Variants in DGKB observed in about 807,000 individuals in gnomAD.
DGKB encodes 90 kDa diacylglycerol kinase.
In DGKB, 67 loss-of-function variants were observed where a neutral mutation model predicts 114.3. The ratio of observed to expected loss-of-function variants is 0.59; its 90% CI spans 0.48 to 0.72. The LOEUF (loss-of-function observed/expected upper bound fraction) is 0.72. Among genes scored for constraint, DGKB ranks in the 30% least tolerant of loss-of-function variants. The pLI is 0.00. For synonymous variants in DGKB, 398 were observed against 323.1 expected, an observed-to-expected ratio of 1.23 and a Z score of -2.49; for missense variants, 907 against 975.2, an observed-to-expected ratio of 0.93 and a Z score of 0.93.
At chr7:14,877,384 C>T (rs1017028526) in intron 1 of DGKB, among the ~76,000 whole-genome samples, 13 of 152,010 alleles carry the variant, frequency 8.6e-5, no homozygotes, top group African/African-American at 3.1e-4. Context: ...GGAGAAACCC[C>T]GTCTCTACTG....
chr7:14,858,676 A>T (rs949816352), intron 1 of DGKB, among the ~76,000 whole-genome samples: 25 of 152,140 alleles, frequency 1.6e-4, no homozygotes, highest in Non-Finnish European at 2.9e-5. Context: ...ATGGCAAGAG[A>T]TCAAGGAGTA....
intron 1 of DGKB, among the ~76,000 whole-genome samples, chr7:14,922,399 T>TGTGG (rs1784553178): frequency 2.0e-5 from 3 of 151,724 alleles, no homozygotes. Context: ...TGTGTGTGTG[T>TGTGG]GTGTGTGTGT....
upstream of DGKB, chr7:14,903,148 CTCT>C (rs914084734): frequency 2.6e-5 from 4 of 152,270 alleles, no homozygotes; most frequent in African/African-American, 9.7e-5. Flanking sequence ...ATGACTAACG[CTCT>C]TCTTCAGTCT....
chr7:14,921,004 T>C (rs1212285011), intron 1 of DGKB, among the ~76,000 whole-genome samples: 4 of 152,116 alleles, frequency 2.6e-5, no homozygotes, highest in African/African-American at 4.8e-5. Flanking sequence ...GTTACATAGG[T>C]AAATTGTGTG....
chr7:14,832,098 T>A (rs1175325321), intron 2 of DGKB, among the ~76,000 whole-genome samples: 2 of 152,124 alleles, frequency 1.3e-5, no homozygotes, highest in Admixed American at 6.6e-5. Context: ...CACACATTAT[T>A]TTATTTGGGT....
At chr7:14,168,802 A>G (rs1780359417) in intron 25 of DGKB, among the ~76,000 whole-genome samples, 1 of 152,216 alleles carries the variant, frequency 6.6e-6, no homozygotes, top group African/African-American at 2.4e-5. Flanking sequence ...AGTACAAAGG[A>G]TCAGGCAAAT....
At chr7:14,253,628 A>G (rs1272167483) in intron 23 of DGKB, among the ~76,000 whole-genome samples, 1 of 152,226 alleles carries the variant, frequency 6.6e-6, no homozygotes, top group African/African-American at 2.4e-5. Context: ...GGGGGATTAG[A>G]TTTTTGAATA....
chr7:14,901,509 T>C (rs1287712712), intron 1 of DGKB, among the ~76,000 whole-genome samples: 2 of 152,126 alleles, frequency 1.3e-5, no homozygotes, highest in Non-Finnish European at 1.5e-5. Flanking sequence ...TAATTTTTCT[T>C]GGAGAAAAAT....
At chr7:14,457,803 A>G (rs1027899344) in intron 21 of DGKB, among the ~76,000 whole-genome samples, 14 of 152,236 alleles carry the variant, frequency 9.2e-5, no homozygotes, top group Admixed American at 9.2e-4. Flanking sequence ...ACTCTCAAGT[A>G]TGCCGGCTGA....
intron 20 of DGKB, among the ~76,000 whole-genome samples, chr7:14,543,191 T>C (rs549146057): frequency 2.0e-5 from 3 of 152,158 alleles, no homozygotes; most frequent in Non-Finnish European, 2.9e-5. Context: ...GGCTCACACC[T>C]GTAATCCCCA....
chr7:14,948,056 T>A (rs1034913923), intron 1 of DGKB, among the ~76,000 whole-genome samples: 2 of 151,700 alleles, frequency 1.3e-5, no homozygotes, highest in Non-Finnish European at 2.9e-5. Flanking sequence ...AAAGTTAATA[T>A]ATTGGCGATT....
At chr7:14,177,112 G>T (rs375195934) in intron 24 of DGKB, among the ~76,000 whole-genome samples, 61 of 152,204 alleles carry the variant, frequency 4.0e-4, no homozygotes, top group African/African-American at 1.4e-3. Flanking sequence ...CCTGGTAAGT[G>T]TAGTGACATT....
intron 25 of DGKB, among the ~76,000 whole-genome samples, chr7:14,150,820 T>C (rs1331885195): frequency 6.6e-6 from 1 of 152,154 alleles, no homozygotes; most frequent in East Asian, 1.9e-4. Flanking sequence ...TCTGAAATTC[T>C]AGCTGTAGAC....
At chr7:14,879,666 A>G (rs1479080744) in intron 1 of DGKB, among the ~76,000 whole-genome samples, 4 of 152,206 alleles carry the variant, frequency 2.6e-5, no homozygotes, top group East Asian at 1.9e-4. Context: ...CCCAACAAAA[A>G]CATTCGTAGT....
At chr7:14,684,050 G>T (rs756578006) in intron 10 of DGKB, among the ~76,000 whole-genome samples, 1 of 152,042 alleles carries the variant, frequency 6.6e-6, no homozygotes, top group Non-Finnish European at 1.5e-5. Context: ...TTTGTATAGG[G>T]AGAATGTTCT....
At chr7:14,737,283 ATTTTTTT>A (rs11348925) in intron 4 of DGKB, among the ~76,000 whole-genome samples, 8 of 82,508 alleles carry the variant, frequency 9.7e-5, no homozygotes, top group Middle Eastern at 8.6e-3. Flanking sequence ...TTGAAGGCCA[ATTTTTTT>A]TTTTTTTTTT....
chr7:14,908,350 C>G (rs1264723953), upstream of DGKB, among the ~76,000 whole-genome samples: 1 of 152,044 alleles, frequency 6.6e-6, no homozygotes, highest in Non-Finnish European at 1.5e-5. Flanking sequence ...GACTTAGAGG[C>G]CAAATTATAT....
At chr7:14,279,256 T>C (rs7785454) in intron 23 of DGKB, among the ~76,000 whole-genome samples, 1 of 152,090 alleles carries the variant, frequency 6.6e-6, no homozygotes, top group African/African-American at 2.4e-5. Flanking sequence ...CGCTGATTGC[T>C]AGCACAGCAG....
chr7:14,157,213 G>T (rs935839237), intron 25 of DGKB, among the ~76,000 whole-genome samples: 1 of 152,022 alleles, frequency 6.6e-6, no homozygotes, highest in African/African-American at 2.4e-5. Context: ...CTTGATTCTG[G>T]AATAAGATTG....
Sources: allele counts gnomAD v4.1 joint callset (sites outside exome capture counted in the v4.1 genomes callset), GRCh38; gene constraint gnomAD v4.1.1; transcripts MANE v1.5; gene names NCBI Gene and HGNC (gene_info 2026-07-23, HGNC 2026-07-21).